The following SLIT3 variants were observed in gnomAD, a reference collection of about 807,000 sequenced individuals.
SLIT3 encodes the protein slit homolog 3 protein.
A neutral mutation model predicts 184.0 loss-of-function variants in SLIT3; 68 were observed. The observed-to-expected ratio is 0.37, with a 90% confidence interval of 0.30 to 0.45. The LOEUF is 0.45. SLIT3 is among the 20% of genes least tolerant of loss of function. The pLI is 1.00. For synonymous variants in SLIT3, 831 were observed against 828.6 expected (o/e 1.00, Z -0.05); for missense variants, 1,707 against 2,026.0 (o/e 0.84, Z 3.02).
intron 9 of SLIT3, among the ~76,000 whole-genome samples, chr5:168,799,619 G>C (rs573851610): frequency 1.3e-5 from 2 of 152,164 alleles, no homozygotes; most frequent in African/African-American, 2.4e-5. Context: ...AGCCTGGCAG[G>C]GGCACGGCCG....
At chr5:168,721,079 G>A (rs1483841954) in intron 23 of SLIT3, among the ~76,000 whole-genome samples, 2 of 152,104 alleles carry the variant, frequency 1.3e-5, no homozygotes, top group Non-Finnish European at 2.9e-5. Flanking sequence ...AAGGTTAGAC[G>A]AAGAAAACTG....
chr5:169,266,174 C>A (rs1468373050), intron 1 of SLIT3, among the ~76,000 whole-genome samples: 1 of 152,166 alleles, frequency 6.6e-6, no homozygotes, highest in African/African-American at 2.4e-5. Context: ...CACTTCCCTG[C>A]ACTGCATAGG....
rs1479998405 is a variant in SLIT3, at chr5:169,127,325, C to T, written c.413+66154G>A. On this transcript the variant is annotated intron_variant, in intron 4 of 35. Coordinates refer to ENST00000519560, the MANE Select transcript of SLIT3 (RefSeq NM_003062.4). ...ACACTTTCAATTATTTATCAGAAAT[C>T]CCAGTGCTTCCCAATTACTAAAAGG... Among the ~76,000 whole-genome samples the T allele has an allele frequency of 2.6e-5, 4 of 152,182 alleles. 1 individual carries two copies. The highest frequency in any genetic ancestry group is 5.9e-5 in the Non-Finnish European group (4 of 68,040).
intron 4 of SLIT3, among the ~76,000 whole-genome samples, chr5:169,191,420 C>G (rs1206867288): frequency 6.6e-6 from 1 of 152,170 alleles, no homozygotes; most frequent in African/African-American, 2.4e-5. Flanking sequence ...TGTTGCAACT[C>G]CTAGTCTCTT....
intron 1 of SLIT3, among the ~76,000 whole-genome samples, chr5:169,290,738 G>T (rs1483667825): frequency 6.6e-6 from 1 of 150,764 alleles, no homozygotes; most frequent in Non-Finnish European, 1.5e-5. Context: ...ACACGCTAAG[G>T]CACACACTAG....
At chr5:168,699,265 G>T (rs371016918) in intron 27 of SLIT3, among the ~76,000 whole-genome samples, 1 of 152,346 alleles carries the variant, frequency 6.6e-6, no homozygotes, top group East Asian at 1.9e-4. Context: ...GAAGAGAACC[G>T]GGAGCCTGGA....
intron 27 of SLIT3, among the ~76,000 whole-genome samples, chr5:168,699,387 C>T (rs545120486): frequency 2.0e-4 from 30 of 152,214 alleles, no homozygotes; most frequent in Admixed American, 6.5e-4. Flanking sequence ...ATGGGGTGCC[C>T]CTGCCTTTAT....
intron 4 of SLIT3, among the ~76,000 whole-genome samples, chr5:169,116,769 T>C (rs112937374): frequency 6.6e-6 from 1 of 152,178 alleles, no homozygotes; most frequent in African/African-American, 2.4e-5. Flanking sequence ...CCCTAACTAC[T>C]TGGCACCAGT....
intron 14 of SLIT3, among the ~76,000 whole-genome samples, chr5:168,765,924 CGGG>C (rs368378978): frequency 6.6e-6 from 1 of 151,520 alleles, no homozygotes; most frequent in Non-Finnish European, 1.5e-5. Flanking sequence ...CTTTAATAGA[CGGG>C]GGGGTGGGGG....
In SLIT3 at chr5:168,700,687, GC is replaced by G. The variant is rs1486337364; in HGVS notation, c.2845-9del. 1 of 1,611,164 alleles carries G rather than the reference GC, an allele frequency of 6.2e-7. No individual in the cohort carries two copies. Among genetic ancestry groups the G allele is most frequent in the South Asian group, 1.1e-5 (1 of 90,930 alleles). On this transcript the variant is annotated splice_polypyrimidine_tract_variant and intron_variant, in intron 26 of 35. Transcript: ENST00000519560. ...CACAGTGCAGTCCTTGCCCTGAGGA[GC>G]AAAAGAGGGAGAAGCACCTGGTTAG...
At chr5:168,819,152 TGC>T (rs1757437298) in intron 7 of SLIT3, among the ~76,000 whole-genome samples, 2 of 152,216 alleles carry the variant, frequency 1.3e-5, no homozygotes, top group South Asian at 4.1e-4. Flanking sequence ...AAGCACTGCT[TGC>T]TCTTCGCCTG....
At chr5:168,735,874 A>G (rs1763421820) in intron 20 of SLIT3, among the ~76,000 whole-genome samples, 1 of 152,092 alleles carries the variant, frequency 6.6e-6, no homozygotes, top group African/African-American at 2.4e-5. Flanking sequence ...CCCTATACCT[A>G]CAAGAACTTA....
chr5:168,963,250 C>A (rs1195303551), intron 4 of SLIT3, among the ~76,000 whole-genome samples: 1 of 152,200 alleles, frequency 6.6e-6, no homozygotes, highest in Non-Finnish European at 1.5e-5. Flanking sequence ...TGGCCTACTG[C>A]AACCTCCATC....
chr5:168,979,284 G>A (rs984065878), intron 4 of SLIT3, among the ~76,000 whole-genome samples: 2 of 152,168 alleles, frequency 1.3e-5, no homozygotes, highest in African/African-American at 2.4e-5. Context: ...GTTGGGGCCC[G>A]AAGAGGACAA....
At chr5:169,126,598 A>G (rs899580583) in intron 4 of SLIT3, among the ~76,000 whole-genome samples, 2 of 152,230 alleles carry the variant, frequency 1.3e-5, no homozygotes, top group Admixed American at 1.3e-4. Flanking sequence ...ACTGCCTCTC[A>G]CAAGCACTAC....
At chr5:169,077,533 C>T (rs910825393) in intron 4 of SLIT3, among the ~76,000 whole-genome samples, 4 of 150,914 alleles carry the variant, frequency 2.7e-5, no homozygotes, top group Non-Finnish European at 4.4e-5. Flanking sequence ...AGTGAGACCC[C>T]GTCTCAAAAA....
chr5:169,111,038 T>G (rs777471107), intron 4 of SLIT3, among the ~76,000 whole-genome samples: 3 of 152,160 alleles, frequency 2.0e-5, no homozygotes, highest in Non-Finnish European at 4.4e-5. Context: ...GACTTTCAGT[T>G]TTTCAAACTG....
At chr5:168,985,878 G>A (rs1161169031) in intron 4 of SLIT3, among the ~76,000 whole-genome samples, 6 of 152,094 alleles carry the variant, frequency 3.9e-5, no homozygotes, top group Non-Finnish European at 8.8e-5. Context: ...AGAGTATGGT[G>A]GTTGTATTTG....
Position 168,722,336 on chromosome 5 carries a change from A to G in SLIT3, c.2412-9T>C, listed in dbSNP as rs1762969445. On this transcript the variant is annotated splice_polypyrimidine_tract_variant and intron_variant, in intron 22 of 35. Coordinates refer to ENST00000519560, the MANE Select transcript of SLIT3 (RefSeq NM_003062.4). The stretch of plus-strand genomic sequence containing the variant: ...GGTTGTAGCTCAGGATCCTGTGGAA[A>G]AGGAGGCATGTGCCCTGTTGTGTCT... 1 of 1,613,796 alleles carries G rather than the reference A, an allele frequency of 6.2e-7. No individual in the cohort carries two copies. The highest frequency in any genetic ancestry group is 1.1e-5 in the South Asian group (1 of 91,070).
Sources: allele counts gnomAD v4.1 joint callset (sites outside exome capture counted in the v4.1 genomes callset), GRCh38; gene constraint gnomAD v4.1.1; transcripts MANE v1.5; gene names NCBI Gene and HGNC (gene_info 2026-07-23, HGNC 2026-07-21).